NAA11: variants seen among roughly 807,000 people sequenced by gnomAD.
NAA11 encodes N-alpha-acetyltransferase 11.
Under a neutral mutation model 16.1 loss-of-function variants are expected in NAA11, and 15 were observed. That is an observed-to-expected ratio of 0.93 (90% CI 0.62 to 1.44). NAA11 has a LOEUF of 1.44. Among genes scored for constraint, NAA11 ranks in the 40% most tolerant of loss-of-function variants. NAA11 has a pLI of 0.00. For missense variants in NAA11, 298 were observed against 291.3 expected, an observed-to-expected ratio of 1.02 and a Z score of -0.17; for synonymous variants, 122 against 112.4, an observed-to-expected ratio of 1.09 and a Z score of -0.54.
chr4:79,175,296 A>G, the NAA11 span, among the ~76,000 whole-genome samples: 37 of 152,146 alleles, frequency 2.4e-4, 1 homozygote, highest in Non-Finnish European at 4.6e-4. Flanking sequence ...AAAACTGAAG[A>G]TGGCTAAGTG....
chr4:79,227,117 C>T (rs1048385645), intron 2 of NAA11: 3 of 152,088 alleles, frequency 2.0e-5, no homozygotes, highest in African/African-American at 7.2e-5. Context: ...TAATGATCGC[C>T]ATTCTGACTG....
chr4:79,253,957 C>CTTCAGA (rs1434697395), intron 2 of NAA11, among the ~76,000 whole-genome samples: 1 of 152,162 alleles, frequency 6.6e-6, no homozygotes, highest in African/African-American at 2.4e-5. Flanking sequence ...ATAAGAATAG[C>CTTCAGA]TTCAGATTCC....
At chr4:79,171,569 T>C in the NAA11 span, among the ~76,000 whole-genome samples, 6 of 152,196 alleles carry the variant, frequency 3.9e-5, no homozygotes, top group African/African-American at 1.2e-4. Flanking sequence ...AGTTATTATA[T>C]AGTAAAGACT....
At chr4:79,195,300 GTAAT>G in the NAA11 span, among the ~76,000 whole-genome samples, 1 of 152,088 alleles carries the variant, frequency 6.6e-6, no homozygotes, top group Non-Finnish European at 1.5e-5. Context: ...GGGGCTGAGT[GTAAT>G]TTTGGGTTGG....
chr4:79,245,270 C>T (rs182102790), intron 2 of NAA11: 98 of 158,250 alleles, frequency 6.2e-4, no homozygotes, highest in Admixed American at 9.8e-4. Flanking sequence ...CGCCTCTTCC[C>T]GGGCCATCAT....
chr4:79,202,703 T>A, the NAA11 span, among the ~76,000 whole-genome samples: 1 of 135,006 alleles, frequency 7.4e-6, no homozygotes, highest in Non-Finnish European at 1.6e-5. Context: ...CCTGACCTGA[T>A]TATTAATATA....
At chr4:79,190,515 G>C in the NAA11 span, among the ~76,000 whole-genome samples, 2 of 149,942 alleles carry the variant, frequency 1.3e-5, no homozygotes, top group Admixed American at 1.3e-4. Context: ...ATTAAAGCCT[G>C]ATGGCAGGAA....
At chr4:79,191,291 A>C in the NAA11 span, among the ~76,000 whole-genome samples, 1 of 151,072 alleles carries the variant, frequency 6.6e-6, no homozygotes, top group South Asian at 2.1e-4. Context: ...TCCCACCAAC[A>C]GTGGGTAAGT....
the NAA11 span, among the ~76,000 whole-genome samples, chr4:79,216,493 C>T: frequency 1.3e-5 from 2 of 152,072 alleles, no homozygotes; most frequent in African/African-American, 4.8e-5. Flanking sequence ...GCAAAACTCT[C>T]TTCTTTAATA....
At chr4:79,220,955 T>G (rs1721177151), downstream of NAA11, among the ~76,000 whole-genome samples, 1 of 151,902 alleles carries the variant, frequency 6.6e-6, no homozygotes, top group Non-Finnish European at 1.5e-5. Context: ...ATCTGTAAAT[T>G]ACCTTGGGCA....
chr4:79,173,917 A>G, the NAA11 span, among the ~76,000 whole-genome samples: 2 of 152,154 alleles, frequency 1.3e-5, no homozygotes, highest in Non-Finnish European at 2.9e-5. Context: ...GGGTTTGGTA[A>G]TGACAGTGAG....
chr4:79,315,142 G>A (rs994581919), downstream of NAA11, among the ~76,000 whole-genome samples: 5 of 151,586 alleles, frequency 3.3e-5, no homozygotes, highest in African/African-American at 1.2e-4. Flanking sequence ...AGCAACATGA[G>A]CAATGTAGGA....
intron 2 of NAA11, among the ~76,000 whole-genome samples, chr4:79,259,829 C>A (rs2109973366): frequency 6.6e-6 from 1 of 152,264 alleles, no homozygotes; most frequent in East Asian, 1.9e-4. Context: ...TCTGAGATTT[C>A]TTGGTTTTGT....
the NAA11 span, among the ~76,000 whole-genome samples, chr4:79,217,782 A>G: frequency 2.0e-5 from 3 of 152,212 alleles, no homozygotes; most frequent in Admixed American, 6.6e-5. Flanking sequence ...GTGACAATGT[A>G]GAACATTTGA....
the NAA11 span, among the ~76,000 whole-genome samples, chr4:79,182,227 C>G: frequency 6.6e-6 from 1 of 152,110 alleles, no homozygotes; most frequent in Admixed American, 6.5e-5. Context: ...ATAGCACAAT[C>G]AGAATAATAG....
intron 2 of NAA11, among the ~76,000 whole-genome samples, chr4:79,288,320 T>C (rs1459052602): frequency 1.3e-5 from 2 of 152,146 alleles, no homozygotes; most frequent in East Asian, 3.8e-4. Flanking sequence ...TCACACTTCA[T>C]TGATTTCATG....
At chr4:79,245,853 C>A (rs1318963524) in intron 2 of NAA11, among the ~76,000 whole-genome samples, 1 of 152,248 alleles carries the variant, frequency 6.6e-6, no homozygotes, top group Admixed American at 6.5e-5. Flanking sequence ...AGCCCCTCTG[C>A]CCGGCGGCCA....
At chr4:79,319,317 C>T (rs1483453662) in intron 1 of NAA11, among the ~76,000 whole-genome samples, 2 of 151,992 alleles carry the variant, frequency 1.3e-5, no homozygotes, top group African/African-American at 4.8e-5. Flanking sequence ...CAAATACATG[C>T]TATTTGTCGA....
At chr4:79,312,672 A>G (rs1436801513), downstream of NAA11, among the ~76,000 whole-genome samples, 2 of 137,258 alleles carry the variant, frequency 1.5e-5, no homozygotes, top group African/African-American at 5.3e-5. Flanking sequence ...AAAAAAAAAA[A>G]GAGTTGGGGT....
Sources: gnomAD v4.1 joint callset for allele counts (sites outside exome capture counted in the v4.1 genomes callset) on GRCh38, gnomAD v4.1.1 for gene constraint, MANE v1.5 for transcripts, NCBI Gene and HGNC (gene_info 2026-07-23, HGNC 2026-07-21) for gene names.